The following SEL1L variants were observed in gnomAD, a reference collection of about 807,000 sequenced individuals.
The protein encoded by SEL1L is SEL1L adaptor subunit of SYVN1 ubiquitin ligase.
A neutral mutation model predicts 109.8 loss-of-function variants in SEL1L; 52 were observed. That is an observed-to-expected ratio of 0.47 (90% confidence interval 0.38 to 0.60). SEL1L has a LOEUF of 0.60. SEL1L is among the 20% of genes least tolerant of loss of function. The probability of loss-of-function intolerance (pLI) is 0.00; values close to 1 mark genes in which losing one functional copy is unlikely to be tolerated. For synonymous variants in SEL1L, 373 were observed against 339.6 expected, an observed-to-expected ratio of 1.10 and a Z score of -1.08; for missense variants, 749 against 962.2, an observed-to-expected ratio of 0.78 and a Z score of 2.93.
At chr14:81,510,855 T>C (rs1055060324) in intron 3 of SEL1L, among the ~76,000 whole-genome samples, 5 of 152,182 alleles carry the variant, frequency 3.3e-5, no homozygotes, top group African/African-American at 7.2e-5. Flanking sequence ...ACAACTGTCA[T>C]AGTGTTCATC....
intron 3 of SEL1L, among the ~76,000 whole-genome samples, chr14:81,507,661 T>TA (rs5810039): frequency 0.01 from 1,490 of 146,040 alleles, 19 homozygotes; most frequent in African/African-American, 0.031. Context: ...CAGTTACAGC[T>TA]AAAAAAAAAA....
At chr14:81,498,980 CAG>C in intron 8 of SEL1L, 1 of 431,620 alleles carries the variant, frequency 2.3e-6, no homozygotes, top group Non-Finnish European at 3.1e-6. Context: ...AAGTAAAAAA[CAG>C]AAAGTAGAGC....
intron 8 of SEL1L, chr14:81,498,729 G>C (rs763336667): frequency 8.6e-6 from 3 of 346,920 alleles, no homozygotes; most frequent in Non-Finnish European, 1.6e-5. Context: ...AATCAAAATA[G>C]ATGTCATAAA....
At chr14:81,500,067 G>A (rs533283019) in intron 6 of SEL1L, among the ~76,000 whole-genome samples, 10 of 151,736 alleles carry the variant, frequency 6.6e-5, no homozygotes, top group Non-Finnish European at 1.5e-4. Context: ...ATGCCACCAC[G>A]CCCAGCTAGT....
intron 3 of SEL1L, among the ~76,000 whole-genome samples, chr14:81,506,824 T>C (rs1884258780): frequency 6.6e-6 from 1 of 152,200 alleles, no homozygotes; most frequent in Non-Finnish European, 1.5e-5. Context: ...CTATAAATTA[T>C]TTATGAGTAT....
rs757844952 is a variant in SEL1L at position 81,484,321 on chromosome 14, T to C, written c.1950A>G (p.Ala650=). 1.9e-6 allele frequency: 3 copies of C among 1,614,158 alleles called. No individual in the cohort carries two copies. The highest frequency in any genetic ancestry group is 1.1e-5 in the South Asian group (1 of 91,074). ...GFGTDVDYET[A]FIHYRLASEQ... ...CAGAAGCCAGACGGTAATGAATAAA[T>C]GCAGTTTCATAATCTACATCGGTGC... Residue 650 remains alanine (A), a synonymous_variant, in exon 19 of 21, where the codon GCA becomes GCG. Coordinates refer to ENST00000336735, the MANE Select transcript of SEL1L (RefSeq NM_005065.6).
At chr14:81,484,508 C>G in intron 18 of SEL1L, 111 bp from the exon 19 acceptor site, 1 of 1,007,210 alleles carries the variant, frequency 9.9e-7, no homozygotes, top group South Asian at 1.8e-5. Context: ...AATTTTAATT[C>G]ATAGTACACA....
At position 81,497,877 on chromosome 14, in the gene SEL1L, T is replaced by A. The variant is rs754301015; in HGVS notation, c.1128+15A>T. On this transcript the variant is annotated intron_variant, in intron 10 of 20. Transcript: ENST00000336735. ...AATGCAGTAAAGATATTTGGTGAGATGTTCAAACACGTACCTGTGCTTGTA... is the reference window on the plus strand; with the variant it reads ...AATGCAGTAAAGATATTTGGTGAGAAGTTCAAACACGTACCTGTGCTTGTA... 3.1e-6 allele frequency: 5 copies of A among 1,609,198 alleles called. No individual in the cohort carries two copies. The highest frequency in any genetic ancestry group is 4.2e-6 in the Non-Finnish European group (5 of 1,177,512).
rs1332061314 is a variant in SEL1L at position 81,474,132 on chromosome 14, A to G, written c.*2840T>C. ...AATTCATCTGAGTTAAGTGCTAAAC[A>G]ATACATTTTGAAAAGAAGTCATCTT... is the stretch of plus-strand genomic sequence containing the variant. On this transcript the variant is annotated 3_prime_UTR_variant, in exon 21 of 21. Transcript: ENST00000336735. The G allele has an allele frequency of 6.6e-6, 1 of 152,012 alleles. No homozygotes were observed. Among genetic ancestry groups the G allele is most frequent in the East Asian group, 1.9e-4 (1 of 5,200 alleles). 9.4% of individuals were successfully genotyped at this position (152,012 alleles called of 1,614,324 possible).
intron 19 of SEL1L, among the ~76,000 whole-genome samples, chr14:81,480,104 G>A (rs1238647436): frequency 2.0e-5 from 3 of 152,136 alleles, no homozygotes; most frequent in Admixed American, 1.3e-4. Flanking sequence ...TATTAGCAAC[G>A]TCTGGTTTCA....
intron 12 of SEL1L, among the ~76,000 whole-genome samples, chr14:81,492,002 A>G (rs560942477): frequency 6.6e-6 from 1 of 152,182 alleles, no homozygotes; most frequent in South Asian, 2.1e-4. Flanking sequence ...TTCAATGAAG[A>G]ATTAACATAC....
rs898872703 is a variant in SEL1L at position 81,490,279 on chromosome 14, A to G, written c.1332+109T>C. The G allele has an allele frequency of 1.2e-5, 9 of 781,158 alleles. No individual in the cohort carries two copies. The African/African-American group carries it at 1.4e-4, about 12-fold the overall frequency. 48.4% of individuals were successfully genotyped at this position (781,158 alleles called of 1,614,324 possible). ...GAATCATACTTAATATGCAGTTTCA[A>G]TAATGTATAGCATGAGTTGGTTATG... On this transcript the variant is annotated intron_variant, in intron 13 of 20. Transcript: ENST00000336735.
intron 11 of SEL1L, among the ~76,000 whole-genome samples, chr14:81,493,629 T>G (rs903424591): frequency 9.2e-5 from 14 of 152,230 alleles, no homozygotes; most frequent in Non-Finnish European, 1.9e-4. Context: ...GTTAGCTACT[T>G]TCCTTCACAG....
chr14:81,531,587 T>C (rs1885324996), intron 1 of SEL1L, among the ~76,000 whole-genome samples: 1 of 151,978 alleles, frequency 6.6e-6, no homozygotes, highest in African/African-American at 2.4e-5. Context: ...AGGGTCTCGC[T>C]CTATTGTCCA....
At chr14:81,487,585 G>A (rs1187467539) in intron 15 of SEL1L, 47 bp from the exon 16 acceptor site, 5 of 1,573,922 alleles carry the variant, frequency 3.2e-6, no homozygotes, top group Admixed American at 4.0e-5. Flanking sequence ...TTAAGATTTA[G>A]CTAAGTATCA....
At chr14:81,482,363 C>T (rs1392141400) in intron 19 of SEL1L, among the ~76,000 whole-genome samples, 1 of 152,112 alleles carries the variant, frequency 6.6e-6, no homozygotes, top group Non-Finnish European at 1.5e-5. Flanking sequence ...TTATATTAGT[C>T]ATGTTAAACT....
intron 18 of SEL1L, 48 bp downstream of exon 18, chr14:81,485,624 A>G: frequency 6.8e-7 from 1 of 1,467,786 alleles, no homozygotes; most frequent in South Asian, 1.1e-5. Flanking sequence ...GATAAACAAC[A>G]TAGGGAGGTC....
At chr14:81,489,710 G>A (rs933237674) in intron 13 of SEL1L, among the ~76,000 whole-genome samples, 2 of 152,150 alleles carry the variant, frequency 1.3e-5, no homozygotes, top group Admixed American at 1.3e-4. Context: ...GGAACACCTT[G>A]TAATAATAGC....
chr14:81,491,279 T>TA (rs1883528319), intron 12 of SEL1L, among the ~76,000 whole-genome samples: 1 of 152,186 alleles, frequency 6.6e-6, no homozygotes, highest in Non-Finnish European at 1.5e-5. Flanking sequence ...GAAGAGGGTT[T>TA]AAACACTAAA....
Sources: gnomAD v4.1 joint callset for allele counts (sites outside exome capture counted in the v4.1 genomes callset) on GRCh38, gnomAD v4.1.1 for gene constraint, MANE v1.5 for transcripts, NCBI Gene and HGNC (gene_info 2026-07-23, HGNC 2026-07-21) for gene names.